The following SPTBN5 variants were observed in gnomAD, a reference collection of about 807,000 sequenced individuals.
The protein encoded by SPTBN5 is spectrin beta chain, non-erythrocytic 5.
SPTBN5 carries 513 observed loss-of-function variants against 477.6 expected under a neutral mutation model. That is an observed-to-expected ratio of 1.07 (90% CI 1.00 to 1.16). The LOEUF (loss-of-function observed/expected upper bound fraction) is 1.16. Among genes scored for constraint, SPTBN5 ranks in the 50% most tolerant of loss-of-function variants. SPTBN5 has a pLI of 0.00. For missense variants in SPTBN5, 5,062 were observed against 4,731.8 expected, an observed-to-expected ratio of 1.07 and a Z score of -2.05; for synonymous variants, 2,169 against 2,011.7, an observed-to-expected ratio of 1.08 and a Z score of -2.09.
At chr15:41,855,825 G>T in intron 53 of SPTBN5, 80 bp from the exon 54 acceptor site, 1 of 1,396,610 alleles carries the variant, frequency 7.2e-7, no homozygotes, top group Non-Finnish European at 9.5e-7. Context: ...TCTCAGCCTG[G>T]CTGCACAGGG....
chr15:41,875,407 C>G, intron 22 of SPTBN5, 51 bp downstream of exon 22: 1 of 1,576,760 alleles, frequency 6.3e-7, no homozygotes, highest in Non-Finnish European at 8.6e-7. Context: ...TCTGTCCAGC[C>G]CAGCCAGGCC....
In SPTBN5 at chr15:41,866,402, T is replaced by G. The variant is rs1232308757; in HGVS notation, c.6572A>C (p.His2191Pro). Residue 2191 changes from histidine (H) to proline (P), a missense_variant, in exon 37 of 68, where the codon CAC becomes CCC. Physicochemically the swap from His to Pro is moderately conservative, Grantham distance 77. Transcript: ENST00000320955. ...CTGGACTTCAGCCTCAAAGGCCTGG[T>G]GTTTCAGCAGGGGCTTCAGCTTATC... ...LRDKLKPLLK[H>P]QAFEAEVQAH... is the part of the protein sequence containing the mutation. 1.2e-6 allele frequency: 2 copies of G among 1,611,770 alleles called. No individual in the cohort carries two copies. The highest frequency in any genetic ancestry group is 1.7e-6 in the Non-Finnish European group (2 of 1,178,974).
intron 53 of SPTBN5, among the ~76,000 whole-genome samples, chr15:41,856,162 A>G (rs1402723385): frequency 2.0e-5 from 3 of 152,258 alleles, no homozygotes; most frequent in Admixed American, 6.5e-5. Flanking sequence ...TTCTCATGTA[A>G]AGCCCTGGTT....
At chr15:41,887,133 T>C in intron 6 of SPTBN5, 80 bp downstream of exon 6, 3 of 1,320,936 alleles carry the variant, frequency 2.3e-6, no homozygotes, top group Non-Finnish European at 3.2e-6. Flanking sequence ...ACACAGCTAG[T>C]ACGTGGCAGG....
rs1312798396 is a variant in SPTBN5 at position 41,857,678 on chromosome 15, T to G, written c.8259A>C (p.Pro2753=). Residue 2753 remains proline (P), a synonymous_variant, in exon 50 of 68, where the codon CCA becomes CCC. Transcript: ENST00000320955. ...EGQRLLQGGH[P]ASEAIQERLE... Reference sequence around the variant, plus strand: ...GTCGCTCCTGGATGGCCTCCGAGGCTGGGTGGCCCCCCTGCAGCAGCCTCT... The same window carrying G: ...GTCGCTCCTGGATGGCCTCCGAGGCGGGGTGGCCCCCCTGCAGCAGCCTCT... 5.0e-6 allele frequency: 8 copies of G among 1,584,434 alleles called. No individual in the cohort carries two copies. The highest frequency in any genetic ancestry group is 6.9e-6 in the Non-Finnish European group (8 of 1,166,138).
chr15:41,864,139 T>C (rs2066218500), intron 39 of SPTBN5, 115 bp from the exon 40 acceptor site: 1 of 894,938 alleles, frequency 1.1e-6, no homozygotes, highest in African/African-American at 1.7e-5. Context: ...ACTGCATATT[T>C]GGGCAGTGGG....
Position 41,852,218 on chromosome 15 carries a change from C to G in SPTBN5, c.10548G>C (p.Gly3516=), listed in dbSNP as rs759662344. The G allele has an allele frequency of 3.1e-6, 5 of 1,608,316 alleles. No homozygotes were observed. The highest frequency in any genetic ancestry group is 1.7e-4 in the Middle Eastern group (1 of 5,920). ...SFQWRPSGHQ[G]LGAQLAETRD... is the part of the protein sequence containing the mutation. ...TCGTCTCAGCCAGCTGTGCTCCTAG[C>G]CCCTGGTGTCCAGAGGGCCTCCACT... The change falls in exon 62 of 68, where the codon GGG becomes GGC. Residue 3516 remains glycine, a synonymous_variant. Coordinates refer to ENST00000320955, the MANE Select transcript of SPTBN5 (RefSeq NM_016642.4).
chr15:41,887,451 C>T lies in SPTBN5; in HGVS notation c.660-10G>A. 1.3e-6 allele frequency: 2 copies of T among 1,547,438 alleles called. No individual in the cohort carries two copies. Among genetic ancestry groups the T allele is most frequent in the Non-Finnish European group, 1.7e-6 (2 of 1,144,062 alleles). On this transcript the variant is annotated splice_polypyrimidine_tract_variant and intron_variant, in intron 5 of 67. Coordinates refer to ENST00000320955, the MANE Select transcript of SPTBN5 (RefSeq NM_016642.4). ...GTCCAACAGGTCTGGCCTGGACAGA[C>T]AGTGAGAAGGGCTCTTCACCAGCAG... is the stretch of plus-strand genomic sequence containing the variant.
chr15:41,858,029 G>A (rs1184998928), intron 49 of SPTBN5, among the ~76,000 whole-genome samples: 1 of 152,224 alleles, frequency 6.6e-6, no homozygotes, highest in Non-Finnish European at 1.5e-5. Context: ...GGGCACAGTG[G>A]CTCATTCCTG....
rs374165011 is a variant in SPTBN5 at position 41,856,454 on chromosome 15, G to A, written c.8953C>T (p.Arg2985Trp). Residue 2985 changes from arginine to tryptophan, a missense_variant, in exon 53 of 68, where the codon CGG becomes TGG. Arg to Trp is a moderately radical substitution (Grantham distance 101). Transcript: ENST00000320955. The stretch of plus-strand genomic sequence containing the variant: ...AGCCGCCTCCGCGCCGCCTCTGCCC[G>A]CAGGTGGGCCATGGCCTTCTCCAGC... The part of the protein sequence containing the change: ...QQLEKAMAHL[R>W]AEAARRRLLL... 185 of 1,595,440 alleles carry A rather than the reference G, an allele frequency of 1.2e-4. No homozygotes were observed. The highest frequency in any genetic ancestry group is 5.2e-4 in the East Asian group (23 of 44,072).
In SPTBN5 at chr15:41,881,249, G is replaced by T; in HGVS notation, c.2458-15C>A. ...GCAGAGTTCACCTGTGTGACAAAGG[G>T]CAGCGCGTCTACAGGCGACCCCATC... On this transcript the variant is annotated splice_polypyrimidine_tract_variant and intron_variant, in intron 12 of 67. Coordinates refer to ENST00000320955, the MANE Select transcript of SPTBN5 (RefSeq NM_016642.4). 1 of 1,590,806 alleles carries T rather than the reference G, an allele frequency of 6.3e-7. No individual in the cohort carries two copies. Among genetic ancestry groups the T allele is most frequent in the Non-Finnish European group, 8.6e-7 (1 of 1,169,508 alleles).
Position 41,892,954 on chromosome 15 carries a change from G to T in SPTBN5, c.324C>A (p.Gly108=), listed in dbSNP as rs1431436885. Residue 108 remains glycine, a synonymous_variant, in exon 3 of 68, where the codon GGC becomes GGA. Transcript: ENST00000320955. ...SGEALPPPSR[G]RLRVHFLENS... ...TCTCCAGGAAGTGCACACGCAGGCG[G>T]CCCCGGCTCGGGGGTGGCAGGGCCT... The T allele has an allele frequency of 1.2e-6, 2 of 1,608,764 alleles. No homozygotes were observed. The highest frequency in any genetic ancestry group is 1.7e-6 in the Non-Finnish European group (2 of 1,179,760).
chr15:41,889,211 A>T (rs906279552), intron 4 of SPTBN5, among the ~76,000 whole-genome samples: 1 of 152,150 alleles, frequency 6.6e-6, no homozygotes, highest in African/African-American at 2.4e-5. Flanking sequence ...TCAGCCTTCA[A>T]ATAGATGCTC....
intron 47 of SPTBN5, 65 bp downstream of exon 47, chr15:41,860,521 A>G: frequency 7.6e-7 from 1 of 1,324,468 alleles, no homozygotes; most frequent in Non-Finnish European, 9.7e-7. Context: ...GGAAGGGAAG[A>G]ACCGGGATGC....
chr15:41,881,207 C>T lies in SPTBN5; in HGVS notation c.2485G>A (p.Glu829Lys). 2 of 1,611,796 alleles carry T rather than the reference C, an allele frequency of 1.2e-6. No individual in the cohort carries two copies. The highest frequency in any genetic ancestry group is 1.7e-6 in the Non-Finnish European group (2 of 1,179,530). Reference protein sequence around the residue: ...TVNSALSPPGESLRNPGPWSE... With the variant: ...TVNSALSPPGKSLRNPGPWSE... Reference sequence around the variant, plus strand: ...CAGGGCCCTGGGTTCCTCAGGCTTTCTCCTGGAGGGCTCAGGGCAGAGTTC... The same window carrying T: ...CAGGGCCCTGGGTTCCTCAGGCTTTTTCCTGGAGGGCTCAGGGCAGAGTTC... The change falls in exon 13 of 68, where the codon GAA (glutamate) becomes AAA (lysine). Residue 829 changes from glutamate to lysine, a missense_variant. Coordinates refer to ENST00000320955, the MANE Select transcript of SPTBN5 (RefSeq NM_016642.4).
chr15:41,849,741 C>T lies in SPTBN5; in HGVS notation c.11012+128G>A, dbSNP rs532375154. 5 of 717,126 alleles carry T rather than the reference C, an allele frequency of 7.0e-6. No individual in the cohort carries two copies. The South Asian group carries it at 8.5e-5, about 12-fold the overall frequency. The allele number at this position is 717,126 out of a possible 1,614,324, so 44.4% of individuals were successfully genotyped here. On this transcript the variant is annotated intron_variant, in intron 67 of 67. Coordinates refer to ENST00000320955, the MANE Select transcript of SPTBN5 (RefSeq NM_016642.4). Reference sequence around the variant, plus strand: ...AGTGGGCAGGGGCAGCTGAGGGTTCCAATAGCATTTCCCTACAGCCCAACA... The same window carrying T: ...AGTGGGCAGGGGCAGCTGAGGGTTCTAATAGCATTTCCCTACAGCCCAACA...
chr15:41,859,254 G>A (rs2066022446), intron 47 of SPTBN5, among the ~76,000 whole-genome samples: 1 of 152,162 alleles, frequency 6.6e-6, no homozygotes, highest in South Asian at 2.1e-4. Flanking sequence ...CACCTCCCGG[G>A]TTCAAGCAAT....
rs938708840 is a variant in SPTBN5, at chr15:41,852,235, G to A, written c.10531C>T (p.Pro3511Ser). 3 of 1,610,918 alleles carry A rather than the reference G, an allele frequency of 1.9e-6. No individual in the cohort carries two copies. The highest frequency in any genetic ancestry group is 2.5e-6 in the Non-Finnish European group (3 of 1,178,672). The change falls in exon 62 of 68, where the codon CCC becomes TCC. Residue 3511 changes from proline (P) to serine (S), a missense_variant. Pro to Ser is a moderately conservative substitution (Grantham distance 74). Coordinates refer to ENST00000320955, the MANE Select transcript of SPTBN5 (RefSeq NM_016642.4). ...GSSLTSFQWR[P>S]SGHQGLGAQL... Reference sequence around the variant, plus strand: ...GCTCCTAGCCCCTGGTGTCCAGAGGGCCTCCACTGAAAGGATGTCAGCGAG... The same window carrying A: ...GCTCCTAGCCCCTGGTGTCCAGAGGACCTCCACTGAAAGGATGTCAGCGAG...
chr15:41,885,711 G>A, intron 7 of SPTBN5, 24 bp downstream of exon 7: 2 of 1,542,748 alleles, frequency 1.3e-6, no homozygotes, highest in Middle Eastern at 1.8e-4. Context: ...CAGCTGTGGG[G>A]AGAGTTCATG....
Sources: allele counts gnomAD v4.1 joint callset (sites outside exome capture counted in the v4.1 genomes callset), GRCh38; gene constraint gnomAD v4.1.1; transcripts MANE v1.5; gene names NCBI Gene and HGNC (gene_info 2026-07-23, HGNC 2026-07-21).